Variants in LGSN observed in about 807,000 individuals in gnomAD.
LGSN encodes lengsin, lens protein with glutamine synthetase domain.
In LGSN, 21 loss-of-function variants were observed where a neutral mutation model predicts 19.5. That is an observed-to-expected ratio of 1.07 (90% CI 0.76 to 1.55). The LOEUF is 1.55. Among genes scored for constraint, LGSN ranks in the 40% most tolerant of loss-of-function variants. LGSN has a pLI of 0.00. For synonymous variants in LGSN, 257 were observed against 215.6 expected (o/e 1.19, Z -1.68); for missense variants, 673 against 608.5 (o/e 1.11, Z -1.12).
chr6:63,420,932 G>T, the LGSN span, among the ~76,000 whole-genome samples: 1 of 151,686 alleles, frequency 6.6e-6, no homozygotes. Context: ...AGAAATAGAA[G>T]ATAAAGAAAA....
chr6:63,298,788 A>G (rs950957837), intron 1 of LGSN, among the ~76,000 whole-genome samples: 20 of 152,218 alleles, frequency 1.3e-4, no homozygotes, highest in African/African-American at 4.8e-4. Context: ...ACTGCATTTA[A>G]AAATGAAGGC....
chr6:63,343,375 C>T, the LGSN span, among the ~76,000 whole-genome samples: 2 of 152,126 alleles, frequency 1.3e-5, no homozygotes, highest in Non-Finnish European at 1.5e-5. Context: ...GTTTATAAAA[C>T]AGAAGAGTCA....
chr6:63,513,665 C>T, the LGSN span, among the ~76,000 whole-genome samples: 1 of 152,194 alleles, frequency 6.6e-6, no homozygotes, highest in South Asian at 2.1e-4. Context: ...AATCCCAGCA[C>T]TTTGAGAGGC....
chr6:63,406,918 A>G, the LGSN span, among the ~76,000 whole-genome samples: 2 of 152,212 alleles, frequency 1.3e-5, no homozygotes, highest in Non-Finnish European at 2.9e-5. Flanking sequence ...CAAATAAACT[A>G]GAATATCTAG....
the LGSN span, among the ~76,000 whole-genome samples, chr6:63,332,906 G>A: frequency 2.0e-5 from 3 of 151,854 alleles, no homozygotes; most frequent in East Asian, 1.9e-4. Flanking sequence ...ATGAAGCCAC[G>A]GACCCTCGCG....
At chr6:63,432,113 GAAAGAAAGAAAGAAAGAAA>G in the LGSN span, among the ~76,000 whole-genome samples, 1 of 88,006 alleles carries the variant, frequency 1.1e-5, no homozygotes, top group Non-Finnish European at 2.3e-5. Flanking sequence ...AAGAAAGAAA[GAAAGAAAGAAAGAAAGAAA>G]GAAAGAAAGA....
At chr6:63,337,010 A>G in the LGSN span, among the ~76,000 whole-genome samples, 428 of 150,502 alleles carry the variant, frequency 2.8e-3, 3 homozygotes, top group African/African-American at 9.9e-3. Context: ...TGCAATCTCC[A>G]CCTCCTGGGT....
chr6:63,526,421 T>A, the LGSN span, among the ~76,000 whole-genome samples: 1 of 152,076 alleles, frequency 6.6e-6, no homozygotes, highest in Non-Finnish European at 1.5e-5. Flanking sequence ...TGAAGAATTC[T>A]TACATAATCT....
chr6:63,375,956 T>C, the LGSN span, among the ~76,000 whole-genome samples: 1 of 152,192 alleles, frequency 6.6e-6, no homozygotes, highest in Non-Finnish European at 1.5e-5. Context: ...GAAGTGAATG[T>C]TGTATTATCT....
rs937134066 is a variant in LGSN at position 63,279,254 on chromosome 6, C to T, written c.*767G>A. 15 of 152,202 alleles carry T rather than the reference C, an allele frequency of 9.9e-5. No individual in the cohort carries two copies. Among genetic ancestry groups the T allele is most frequent in the Admixed American group, 9.8e-4 (15 of 15,268 alleles). The allele number at this position is 152,202 out of a possible 1,614,324, so 9.4% of individuals were successfully genotyped here. On this transcript the variant is annotated 3_prime_UTR_variant, in exon 4 of 4. Transcript: ENST00000370657. ...GACAGAGCCCACCTACCCTCACACA[C>T]AAACATCTTTCTATCTATACTTTGT...
chr6:63,475,951 T>C, the LGSN span, among the ~76,000 whole-genome samples: 1 of 152,170 alleles, frequency 6.6e-6, no homozygotes, highest in Non-Finnish European at 1.5e-5. Flanking sequence ...GGGTGTCTAG[T>C]AGCAAAGTTC....
At chr6:63,350,533 G>C in the LGSN span, among the ~76,000 whole-genome samples, 13 of 152,276 alleles carry the variant, frequency 8.5e-5, no homozygotes, top group Admixed American at 3.3e-4. Flanking sequence ...TAGTGCCACA[G>C]GCACATCATA....
chr6:63,373,044 A>G, the LGSN span, among the ~76,000 whole-genome samples: 1 of 152,324 alleles, frequency 6.6e-6, no homozygotes, highest in East Asian at 1.9e-4. Context: ...CTGGTGACAC[A>G]GCATTTCATA....
chr6:63,412,690 A>AGG, the LGSN span, among the ~76,000 whole-genome samples: 74 of 118,874 alleles, frequency 6.2e-4, no homozygotes, highest in Middle Eastern at 3.8e-3. Flanking sequence ...AGAAAGAAAG[A>AGG]GAAAGAAAGA....
the LGSN span, among the ~76,000 whole-genome samples, chr6:63,467,318 A>AACTATAAGATCAACATGGTT: frequency 0.016 from 2,429 of 152,184 alleles, 72 homozygotes; most frequent in African/African-American, 0.053. Flanking sequence ...AAAATATGGT[A>AACTATAAGATCAACATGGTT]ACTATAAGAT....
the LGSN span, among the ~76,000 whole-genome samples, chr6:63,394,622 C>T: frequency 7.2e-5 from 11 of 152,212 alleles, no homozygotes; most frequent in African/African-American, 1.7e-4. Context: ...CTGCCTTTGG[C>T]GTAACCATTC....
intron 1 of LGSN, among the ~76,000 whole-genome samples, chr6:63,297,647 A>G (rs1368134720): frequency 6.6e-6 from 1 of 152,182 alleles, no homozygotes; most frequent in Admixed American, 6.5e-5. Flanking sequence ...GCTTCAGTAA[A>G]AAACTTACTA....
chr6:63,480,980 T>G, the LGSN span, among the ~76,000 whole-genome samples: 1 of 33,228 alleles, frequency 3.0e-5, no homozygotes, highest in Non-Finnish European at 9.1e-5. Context: ...TATATATATA[T>G]ATATATACAC....
the LGSN span, among the ~76,000 whole-genome samples, chr6:63,566,106 T>C: frequency 6.6e-6 from 1 of 152,238 alleles, no homozygotes; most frequent in South Asian, 2.1e-4. Context: ...ACCTGTTTTG[T>C]CCCACTGAAC....
Sources: gnomAD v4.1 joint callset for allele counts (sites outside exome capture counted in the v4.1 genomes callset) on GRCh38, gnomAD v4.1.1 for gene constraint, MANE v1.5 for transcripts, NCBI Gene and HGNC (gene_info 2026-07-23, HGNC 2026-07-21) for gene names.